The following KHDRBS3 variants were observed in gnomAD, a reference collection of about 807,000 sequenced individuals.
The protein encoded by KHDRBS3 is KH domain-containing, RNA-binding, signal transduction-associated protein 3.
In KHDRBS3, 23 loss-of-function variants were observed where a neutral mutation model predicts 45.6. The ratio of observed to expected loss-of-function variants is 0.50; its 90% CI spans 0.36 to 0.72. The LOEUF is 0.72. KHDRBS3 is among the 30% of genes least tolerant of loss of function. KHDRBS3 has a pLI of 0.00. For missense variants in KHDRBS3, 352 were observed against 424.8 expected (o/e 0.83, Z 1.51); for synonymous variants, 162 against 156.5 (o/e 1.04, Z -0.26).
At position 135,499,738 on chromosome 8, in the gene KHDRBS3, G is replaced by A. The variant is rs550506533; in HGVS notation, c.89-21499G>A. Among the ~76,000 whole-genome samples, 12 of 152,188 alleles carry A rather than the reference G, an allele frequency of 7.9e-5. No homozygotes were observed. The South Asian group carries it at 2.5e-3, about 32-fold the overall frequency. ...TTTATCTTATTTACTTTCTCTTTCT[G>A]AGTTTTTAACCCTGCCAGGAGGGAG... is the stretch of plus-strand genomic sequence containing the variant. On this transcript the variant is annotated intron_variant, in intron 1 of 8. Transcript: ENST00000355849.
intron 1 of KHDRBS3, among the ~76,000 whole-genome samples, chr8:135,463,657 C>G (rs1821545175): frequency 6.6e-6 from 1 of 152,164 alleles, no homozygotes; most frequent in Non-Finnish European, 1.5e-5. Flanking sequence ...TTTGGAAGCC[C>G]TAGTCACATG....
intron 1 of KHDRBS3, among the ~76,000 whole-genome samples, chr8:135,468,551 T>G (rs1821818081): frequency 6.6e-6 from 1 of 152,194 alleles, no homozygotes; most frequent in African/African-American, 2.4e-5. Context: ...TCTGCTGTTG[T>G]AGCAGAAAAG....
intron 6 of KHDRBS3, among the ~76,000 whole-genome samples, chr8:135,606,535 C>T (rs887043125): frequency 3.3e-5 from 5 of 152,134 alleles, no homozygotes; most frequent in Non-Finnish European, 5.9e-5. Context: ...TCTGCCCCCT[C>T]CAGCAGCATC....
At chr8:135,639,530 C>T (rs1219047758) in intron 7 of KHDRBS3, among the ~76,000 whole-genome samples, 3 of 152,094 alleles carry the variant, frequency 2.0e-5, no homozygotes, top group African/African-American at 7.2e-5. Flanking sequence ...GGTGTCTGTA[C>T]CTTAGGGGAG....
chr8:135,489,564 G>T (rs898364382), intron 1 of KHDRBS3, among the ~76,000 whole-genome samples: 3 of 152,022 alleles, frequency 2.0e-5, no homozygotes, highest in Admixed American at 1.3e-4. Context: ...TGTAGTCCCA[G>T]CTACTCAGGA....
At chr8:135,583,003 G>A (rs1828289537) in intron 6 of KHDRBS3, among the ~76,000 whole-genome samples, 1 of 152,132 alleles carries the variant, frequency 6.6e-6, no homozygotes, top group South Asian at 2.1e-4. Context: ...TGTCATCTTA[G>A]TCTTCCAGAC....
At chr8:135,543,484 G>A (rs758686536) in intron 3 of KHDRBS3, among the ~76,000 whole-genome samples, 16 of 151,996 alleles carry the variant, frequency 1.1e-4, no homozygotes, top group Non-Finnish European at 1.8e-4. Flanking sequence ...ATCACATACC[G>A]TGAAATGTTG....
At chr8:135,533,384 A>G (rs1825577870) in intron 2 of KHDRBS3, among the ~76,000 whole-genome samples, 1 of 152,174 alleles carries the variant, frequency 6.6e-6, no homozygotes, top group African/African-American at 2.4e-5. Flanking sequence ...AGTTGGAGCT[A>G]TTTCTCTACG....
At chr8:135,567,979 CCTT>C (rs1213225465) in intron 5 of KHDRBS3, among the ~76,000 whole-genome samples, 1 of 152,160 alleles carries the variant, frequency 6.6e-6, no homozygotes, top group African/African-American at 2.4e-5. Context: ...CAGGAAGGCT[CCTT>C]CTCTACACTT....
chr8:135,514,130 A>G (rs565004644), intron 1 of KHDRBS3, among the ~76,000 whole-genome samples: 16 of 152,338 alleles, frequency 1.1e-4, no homozygotes, highest in East Asian at 7.7e-4. Flanking sequence ...TTCCCGCAGA[A>G]TGACTTGGCT....
chr8:135,499,886 T>G (rs1246037619), intron 1 of KHDRBS3, among the ~76,000 whole-genome samples: 1 of 152,170 alleles, frequency 6.6e-6, no homozygotes, highest in African/African-American at 2.4e-5. Flanking sequence ...TCTTACCCCC[T>G]TCTAACCCCA....
intron 1 of KHDRBS3, among the ~76,000 whole-genome samples, chr8:135,464,625 A>C (rs896461958): frequency 6.6e-6 from 1 of 152,238 alleles, no homozygotes; most frequent in Non-Finnish European, 1.5e-5. Context: ...GAAGGGGGGA[A>C]TATGTTTAAA....
At chr8:135,459,308 A>G (rs568031557) in intron 1 of KHDRBS3, among the ~76,000 whole-genome samples, 1 of 152,324 alleles carries the variant, frequency 6.6e-6, no homozygotes, top group East Asian at 1.9e-4. Context: ...GAATTTAAGA[A>G]TATTTGAATT....
At chr8:135,570,926 G>A (rs1827672510) in intron 5 of KHDRBS3, among the ~76,000 whole-genome samples, 1 of 152,240 alleles carries the variant, frequency 6.6e-6, no homozygotes, top group African/African-American at 2.4e-5. Flanking sequence ...TGGAGCTGAT[G>A]AAGGGGAGAC....
intron 2 of KHDRBS3, among the ~76,000 whole-genome samples, chr8:135,524,810 C>T (rs946455411): frequency 7.3e-5 from 11 of 151,700 alleles, no homozygotes; most frequent in Admixed American, 6.6e-4. Flanking sequence ...TTTTTTATAT[C>T]AGGAATCATA....
chr8:135,499,383 G>A (rs966376810), intron 1 of KHDRBS3, among the ~76,000 whole-genome samples: 2 of 152,160 alleles, frequency 1.3e-5, no homozygotes, highest in African/African-American at 4.8e-5. Context: ...GCTAAGTGGT[G>A]GAGCTGTAAT....
At chr8:135,474,871 T>C (rs1023177182) in intron 1 of KHDRBS3, among the ~76,000 whole-genome samples, 1 of 152,148 alleles carries the variant, frequency 6.6e-6, no homozygotes, top group Admixed American at 6.5e-5. Flanking sequence ...CATGTTACGG[T>C]GTGGGCGCTG....
At chr8:135,598,569 T>C (rs1163914753) in intron 6 of KHDRBS3, among the ~76,000 whole-genome samples, 1 of 152,206 alleles carries the variant, frequency 6.6e-6, no homozygotes, top group Non-Finnish European at 1.5e-5. Context: ...ACTGGGCATG[T>C]GATTTAATTC....
chr8:135,506,405 T>C (rs1823996048), intron 1 of KHDRBS3, among the ~76,000 whole-genome samples: 1 of 134,720 alleles, frequency 7.4e-6, no homozygotes, highest in African/African-American at 2.7e-5. Flanking sequence ...AACATTCCTC[T>C]TTTTTTTTTT....
Sources: allele counts gnomAD v4.1 joint callset (sites outside exome capture counted in the v4.1 genomes callset), GRCh38; gene constraint gnomAD v4.1.1; transcripts MANE v1.5; gene names NCBI Gene and HGNC (gene_info 2026-07-23, HGNC 2026-07-21).